DNAH12: variants seen among roughly 807,000 people sequenced by gnomAD.
The protein encoded by DNAH12 is axonemal beta dynein heavy chain 12.
A neutral mutation model predicts 371.5 loss-of-function variants in DNAH12; 285 were observed. The observed-to-expected ratio is 0.77, with a 90% CI of 0.70 to 0.85. The LOEUF is 0.85. DNAH12 is among the 40% of genes least tolerant of loss of function. The pLI, the probability that DNAH12 is intolerant of heterozygous loss-of-function variation, is 0.00. For missense variants in DNAH12, 3,611 were observed against 3,689.4 expected (o/e 0.98, Z 0.55); for synonymous variants, 1,200 against 1,213.0 (o/e 0.99, Z 0.22).
chr3:57,543,235 T>C (rs1350689198), intron 1 of DNAH12, among the ~76,000 whole-genome samples: 5 of 148,786 alleles, frequency 3.4e-5, no homozygotes, highest in African/African-American at 7.5e-5. Flanking sequence ...TGCAAACCAC[T>C]ACCACCACCA....
Position 57,323,062 on chromosome 3 carries a change from G to T in DNAH12, c.10328C>A (p.Ser3443Tyr). ...CCTAAAGGATGAGTTACAGGTTTCA[G>T]AGGTAAAATCTTCACATATTTTTTC... is the stretch of plus-strand genomic sequence containing the variant. The part of the protein sequence containing the change: ...MLEKICEDFT[S>Y]ETCNSSFRLW... The change falls in exon 64 of 74, where the codon TCT (serine) becomes TAT (tyrosine). Residue 3443 changes from serine (S) to tyrosine (Y), a missense_variant. By Grantham distance (144) the Ser-to-Tyr change is moderately radical. Transcript: ENST00000495027. 6.4e-7 allele frequency: 1 copy of T among 1,552,420 alleles called. No homozygotes were observed. Among genetic ancestry groups the T allele is most frequent in the Non-Finnish European group, 8.7e-7 (1 of 1,147,156 alleles).
intron 49 of DNAH12, among the ~76,000 whole-genome samples, chr3:57,383,658 G>A (rs1323602276): frequency 7.5e-5 from 8 of 106,182 alleles, no homozygotes; most frequent in African/African-American, 2.5e-4. Flanking sequence ...GAGTTGGGGT[G>A]GGGGGCGGGG....
chr3:57,553,933 T>C, the DNAH12 span, among the ~76,000 whole-genome samples: 1 of 151,300 alleles, frequency 6.6e-6, no homozygotes, highest in Non-Finnish European at 1.5e-5. Flanking sequence ...CAAAAGATTG[T>C]CCTGCCTCGG....
intron 13 of DNAH12, among the ~76,000 whole-genome samples, chr3:57,478,682 G>A (rs1019290549): frequency 2.0e-5 from 3 of 152,114 alleles, no homozygotes; most frequent in Non-Finnish European, 2.9e-5. Context: ...GAGAAAGGTT[G>A]GGTTACCAAC....
At chr3:57,361,218 G>A (rs1476027883) in intron 58 of DNAH12, among the ~76,000 whole-genome samples, 14 of 151,004 alleles carry the variant, frequency 9.3e-5, no homozygotes, top group African/African-American at 2.4e-4. Flanking sequence ...CTGGCATGGT[G>A]GGCGCCTGTA....
intron 37 of DNAH12, 131 bp downstream of exon 37, chr3:57,419,236 A>G (rs559666721): frequency 3.3e-6 from 3 of 900,614 alleles, no homozygotes; most frequent in East Asian, 6.7e-5. Flanking sequence ...GTCACTTTCA[A>G]CATGCCAACA....
chr3:57,431,874 A>T (rs2064965590), intron 32 of DNAH12, among the ~76,000 whole-genome samples: 1 of 152,180 alleles, frequency 6.6e-6, no homozygotes, highest in South Asian at 2.1e-4. Context: ...TTTTGCAAAG[A>T]ACCAAGGCCC....
At chr3:57,424,985 A>C (rs1313489727) in intron 35 of DNAH12, 37 bp downstream of exon 35, 1 of 684,952 alleles carries the variant, frequency 1.5e-6, no homozygotes, top group Non-Finnish European at 2.6e-6. Flanking sequence ...AGCATAATTT[A>C]TTTATAATTA....
chr3:57,381,494 T>G (rs1010103785), intron 50 of DNAH12, among the ~76,000 whole-genome samples: 3 of 152,140 alleles, frequency 2.0e-5, no homozygotes, highest in African/African-American at 7.2e-5. Flanking sequence ...CAGCTAACAT[T>G]TATTGTGTAC....
At chr3:57,485,694 C>T (rs560272556) in intron 12 of DNAH12, among the ~76,000 whole-genome samples, 2 of 152,036 alleles carry the variant, frequency 1.3e-5, no homozygotes, top group East Asian at 2.0e-4. Flanking sequence ...CCACCGCACC[C>T]GGCTGGAGGC....
chr3:57,462,769 G>T lies in DNAH12; in HGVS notation c.2456C>A (p.Thr819Asn), dbSNP rs888644164. The change falls in exon 18 of 74, where the codon ACT becomes AAT. Residue 819 changes from threonine to asparagine, a missense_variant. This residue lies in a region of DNAH12 where 1,314 missense variants were observed against 1,398.7 expected (regional missense o/e 0.94). Transcript: ENST00000495027. ...VGYDLTPDSG[T>N]TLRKVLKLNL... ...TAATTTTAAAACTTTTCTCAGTGTA[G>T]TTCCAGAGTCTGGAGTCAAGTCATA... The T allele has an allele frequency of 6.4e-7, 1 of 1,551,490 alleles. No homozygotes were observed. Among genetic ancestry groups the T allele is most frequent in the Non-Finnish European group, 8.7e-7 (1 of 1,146,924 alleles).
chr3:57,344,804 A>G (rs1393539571), intron 60 of DNAH12, among the ~76,000 whole-genome samples: 2 of 152,196 alleles, frequency 1.3e-5, no homozygotes, highest in Non-Finnish European at 1.5e-5. Context: ...AGGGAAAAGC[A>G]GGGATTAGGG....
chr3:57,432,168 CT>C (rs61049709), intron 32 of DNAH12, among the ~76,000 whole-genome samples: 19,521 of 131,000 alleles, frequency 0.15, 1,358 homozygotes, highest in South Asian at 0.21. Context: ...TTCAGTATAT[CT>C]TTTTTTTTTT....
At position 57,459,750 on chromosome 3, in the gene DNAH12, T is replaced by C. The variant is rs2066002094; in HGVS notation, c.2773A>G (p.Ile925Val). The change falls in exon 20 of 74, where the codon ATT (isoleucine) becomes GTT (valine). Residue 925 changes from isoleucine to valine, a missense_variant. This residue lies in a region of DNAH12 where 1,314 missense variants were observed against 1,398.7 expected (regional missense o/e 0.94). Transcript: ENST00000495027. ...EDRLIRIQET[I>V]DEWLKVQAQW... ...GCTTGTACTTTTAACCATTCATCAA[T>C]TGTTTCTTGTATTCGAATCAAGCGG... The C allele has an allele frequency of 2.0e-6, 3 of 1,527,616 alleles. No individual in the cohort carries two copies. Among genetic ancestry groups the C allele is most frequent in the Non-Finnish European group, 2.7e-6 (3 of 1,130,608 alleles). 94.6% of individuals were successfully genotyped at this position (1,527,616 alleles called of 1,614,324 possible). A position where few individuals can be genotyped will look rare whatever the true frequency, so the allele number is the denominator to read the frequency against.
In DNAH12 at chr3:57,317,342, A is replaced by G. The variant is rs114141349; in HGVS notation, c.10525-2711T>C. Among the ~76,000 whole-genome samples the G allele has an allele frequency of 3.9e-3, 600 of 152,302 alleles. 3 individuals carry two copies. Among genetic ancestry groups the G allele is most frequent in the African/African-American group, 0.013 (556 of 41,568 alleles). ...AATCTCCAGAATTTATTCACCTTGCATAATTGAGACACTATTCCCATTAAT... is the reference window on the plus strand; with the variant it reads ...AATCTCCAGAATTTATTCACCTTGCGTAATTGAGACACTATTCCCATTAAT... On this transcript the variant is annotated intron_variant, in intron 65 of 73. Transcript: ENST00000495027.
chr3:57,419,424 G>A lies in DNAH12; in HGVS notation c.5657C>T (p.Pro1886Leu). Residue 1886 changes from proline (P) to leucine (L), a missense_variant, in exon 37 of 74, where the codon CCT becomes CTT. Physicochemically the swap from Pro to Leu is moderately conservative, Grantham distance 98 (BLOSUM62 -3). Transcript: ENST00000495027. ...KQIKIQDIIVPTMDTIRYTFL... is the reference protein window; with the variant it reads ...KQIKIQDIIVLTMDTIRYTFL... ...CGTATATCTAATTGTGTCCATCGTA[G>A]GGACTATGATATCTTGAATCTTGAT... 6.6e-7 allele frequency: 1 copy of A among 1,510,296 alleles called. No homozygotes were observed. The highest frequency in any genetic ancestry group is 8.8e-7 in the Non-Finnish European group (1 of 1,133,620). 93.6% of individuals were successfully genotyped at this position (1,510,296 alleles called of 1,614,324 possible). A position where few individuals can be genotyped will look rare whatever the true frequency, so the allele number is the denominator to read the frequency against.
At chr3:57,335,763 G>C (rs571318040) in intron 60 of DNAH12, among the ~76,000 whole-genome samples, 5 of 152,338 alleles carry the variant, frequency 3.3e-5, no homozygotes, top group Admixed American at 2.0e-4. Flanking sequence ...AGATGCATCA[G>C]TAAGGTAAAA....
chr3:57,510,058 G>T (rs754626189), intron 5 of DNAH12, among the ~76,000 whole-genome samples: 1 of 151,418 alleles, frequency 6.6e-6, no homozygotes, highest in Non-Finnish European at 1.5e-5. Flanking sequence ...ATTTCAAAAC[G>T]TATTGTACAT....
chr3:57,385,560 T>C (rs2063483085), intron 47 of DNAH12, 131 bp from the exon 48 acceptor site: 1 of 152,228 alleles, frequency 6.6e-6, no homozygotes, highest in African/African-American at 2.4e-5. Context: ...TTTCTTCTAG[T>C]TCTTTGCATG....
Sources: allele counts gnomAD v4.1 joint callset (sites outside exome capture counted in the v4.1 genomes callset), GRCh38; gene constraint gnomAD v4.1.1; regional missense constraint gnomAD v4.1.1; transcripts MANE v1.5; gene names NCBI Gene and HGNC (gene_info 2026-07-23, HGNC 2026-07-21).